Variants in RIMS2 observed in about 807,000 individuals in gnomAD.
RIMS2 encodes the protein regulating synaptic membrane exocytosis 2.
A neutral mutation model predicts 174.4 loss-of-function variants in RIMS2; 59 were observed. The observed-to-expected ratio is 0.34, with a 90% confidence interval of 0.27 to 0.42. RIMS2 has a LOEUF of 0.42. Among genes scored for constraint, RIMS2 ranks in the 10% least tolerant of loss-of-function variants. The pLI is 1.00. For missense variants in RIMS2, 1,620 were observed against 1,666.3 expected (o/e 0.97, Z 0.48); for synonymous variants, 606 against 572.5 (o/e 1.06, Z -0.84).
intron 3 of RIMS2, among the ~76,000 whole-genome samples, chr8:103,833,432 C>T (rs553599476): frequency 3.9e-5 from 6 of 152,052 alleles, no homozygotes; most frequent in African/African-American, 1.4e-4. Flanking sequence ...TAATTTTTAA[C>T]TTAATTTAAT....
intron 15 of RIMS2, among the ~76,000 whole-genome samples, chr8:103,966,855 A>G (rs80083800): frequency 0.049 from 7,468 of 151,524 alleles, 589 homozygotes; most frequent in African/African-American, 0.17. Context: ...TTCCCTTGAG[A>G]TTTTTTTCTT....
At chr8:103,645,874 A>T (rs189950787) in intron 1 of RIMS2, among the ~76,000 whole-genome samples, 2 of 152,324 alleles carry the variant, frequency 1.3e-5, no homozygotes, top group East Asian at 3.9e-4. Context: ...CCATGTGAAG[A>T]GACCACCAAA....
At chr8:103,971,916 G>T (rs906010676) in intron 15 of RIMS2, among the ~76,000 whole-genome samples, 15 of 152,156 alleles carry the variant, frequency 9.9e-5, no homozygotes, top group South Asian at 4.1e-4. Flanking sequence ...AAAAGTTAAG[G>T]TGCATTAATT....
intron 7 of RIMS2, among the ~76,000 whole-genome samples, chr8:103,916,098 T>C (rs1382082019): frequency 6.6e-6 from 1 of 152,010 alleles, no homozygotes; most frequent in Non-Finnish European, 1.5e-5. Flanking sequence ...TTGAGAAACC[T>C]GGAGTATAGA....
chr8:103,652,198 T>C lies in RIMS2; in HGVS notation c.177-44888T>C. On this transcript the variant is annotated intron_variant, in intron 1 of 23. Coordinates refer to ENST00000504942, the Ensembl canonical transcript of RIMS2. ...GTGCACTCAGTTGTGCAAACTTATC[T>C]TTTTAGGGTCAAAGAAGAACACAAA... The C allele has an allele frequency of 7.4e-7, 1 of 1,345,044 alleles. No individual in the cohort carries two copies. Among genetic ancestry groups the C allele is most frequent in the South Asian group, 1.1e-5 (1 of 87,820 alleles). 83.3% of individuals were successfully genotyped at this position (1,345,044 alleles called of 1,614,324 possible).
At chr8:103,877,575 G>A (rs997592664) in intron 3 of RIMS2, among the ~76,000 whole-genome samples, 1 of 151,698 alleles carries the variant, frequency 6.6e-6, no homozygotes. Flanking sequence ...TATCTATTCT[G>A]TTCCATTGGT....
intron 2 of RIMS2, among the ~76,000 whole-genome samples, chr8:103,699,910 A>G (rs571028617): frequency 6.6e-6 from 1 of 152,222 alleles, no homozygotes; most frequent in South Asian, 2.1e-4. Flanking sequence ...AATGATTTCT[A>G]ATTTACCTCT....
chr8:103,874,762 A>G (rs911765620), intron 3 of RIMS2, among the ~76,000 whole-genome samples: 9 of 152,088 alleles, frequency 5.9e-5, no homozygotes, highest in African/African-American at 2.2e-4. Context: ...ATGGTCTCAG[A>G]CATGCCTCTT....
chr8:104,022,549 G>A (rs1311559783), intron 19 of RIMS2, among the ~76,000 whole-genome samples: 6 of 151,838 alleles, frequency 4.0e-5, no homozygotes, highest in African/African-American at 1.2e-4. Flanking sequence ...ACCCAGCTAA[G>A]TTTTCTATTT....
chr8:103,596,219 T>A (rs760661664), intron 1 of RIMS2, among the ~76,000 whole-genome samples: 5 of 152,090 alleles, frequency 3.3e-5, no homozygotes, highest in Non-Finnish European at 7.4e-5. Context: ...TTTTGAAATA[T>A]TTATTTAAGT....
At position 103,584,885 on chromosome 8, in the gene RIMS2, C is replaced by G. The variant is rs913730406; in HGVS notation, c.176+83823C>G. Among the ~76,000 whole-genome samples, 3 of 150,400 alleles carry G rather than the reference C, an allele frequency of 2.0e-5. No individual in the cohort carries two copies. In the Admixed American group the frequency reaches 2.0e-4, roughly 10 times the overall value. ...ATGGCAGGAGTAAGCCCTTACTTAT[C>G]AGTAATAACATTGAATGTAAATGGA... On this transcript the variant is annotated intron_variant, in intron 1 of 23. Transcript: ENST00000504942.
At chr8:103,568,674 C>A in intron 1 of RIMS2, 1 of 675,832 alleles carries the variant, frequency 1.5e-6, no homozygotes, top group African/African-American at 1.8e-5. Context: ...CCTAGATAAA[C>A]AATATGTAGC....
At chr8:104,028,176 T>C (rs181605734) in intron 19 of RIMS2, among the ~76,000 whole-genome samples, 21 of 150,886 alleles carry the variant, frequency 1.4e-4, no homozygotes, top group Admixed American at 9.2e-4. Flanking sequence ...TCCAGGCTGG[T>C]CTCAAACTGT....
At chr8:103,615,096 G>A (rs1430896627) in intron 1 of RIMS2, among the ~76,000 whole-genome samples, 1 of 152,008 alleles carries the variant, frequency 6.6e-6, no homozygotes, top group Non-Finnish European at 1.5e-5. Context: ...TTTTTAAAAT[G>A]TACCCTTTAC....
intron 1 of RIMS2, among the ~76,000 whole-genome samples, chr8:103,578,110 A>C (rs2093370872): frequency 6.6e-6 from 1 of 152,246 alleles, no homozygotes; most frequent in African/African-American, 2.4e-5. Flanking sequence ...ATAAATATCC[A>C]GGTGCAGGAA....
chr8:103,628,654 C>G (rs1357802910), intron 1 of RIMS2, among the ~76,000 whole-genome samples: 1 of 151,566 alleles, frequency 6.6e-6, no homozygotes, highest in Non-Finnish European at 1.5e-5. Context: ...CAGGTGTGAG[C>G]CACTGTGGCT....
chr8:103,964,369 A>C (rs2091177436), intron 15 of RIMS2, among the ~76,000 whole-genome samples: 1 of 152,168 alleles, frequency 6.6e-6, no homozygotes, highest in Non-Finnish European at 1.5e-5. Flanking sequence ...CAATAGGTGT[A>C]TAGTGGTATC....
At chr8:103,858,317 T>C (rs10505049) in intron 3 of RIMS2, among the ~76,000 whole-genome samples, 19,884 of 152,106 alleles carry the variant, frequency 0.13, 1,763 homozygotes, top group Non-Finnish European at 0.2. Flanking sequence ...TAATGCTTTG[T>C]AGCTAGTAGA....
At chr8:103,821,606 A>G (rs1333152632) in intron 3 of RIMS2, among the ~76,000 whole-genome samples, 2 of 151,762 alleles carry the variant, frequency 1.3e-5, no homozygotes, top group Admixed American at 1.3e-4. Context: ...GTGAAAAAAT[A>G]AGTATATGAA....
Sources: allele counts gnomAD v4.1 joint callset (sites outside exome capture counted in the v4.1 genomes callset), GRCh38; gene constraint gnomAD v4.1.1; transcripts MANE v1.5; gene names NCBI Gene and HGNC (gene_info 2026-07-23, HGNC 2026-07-21).